The following XPR1 variants were observed in gnomAD, a reference collection of about 807,000 sequenced individuals.
The protein encoded by XPR1 is xenotropic and polytropic retrovirus receptor 1.
XPR1 carries 28 observed loss-of-function variants against 87.5 expected under a neutral mutation model. That is an observed-to-expected ratio of 0.32 (90% CI 0.24 to 0.44). The LOEUF is 0.44. Among genes scored for constraint, XPR1 ranks in the 20% least tolerant of loss-of-function variants. The pLI, the probability that XPR1 is intolerant of heterozygous loss-of-function variation, is 1.00. For synonymous variants in XPR1, 300 were observed against 306.1 expected (o/e 0.98, Z 0.21); for missense variants, 559 against 862.3 (o/e 0.65, Z 4.41).
chr1:180,652,101 G>A (rs144750522), intron 1 of XPR1, among the ~76,000 whole-genome samples: 1,793 of 152,226 alleles, frequency 0.012, 13 homozygotes, highest in Middle Eastern at 0.024. Context: ...AGACCAGCCT[G>A]GTCAACATGG....
At chr1:180,766,177 T>C (rs1048393548) in intron 2 of XPR1, among the ~76,000 whole-genome samples, 1 of 152,182 alleles carries the variant, frequency 6.6e-6, no homozygotes, top group African/African-American at 2.4e-5. Flanking sequence ...TTGTTGGTAA[T>C]ATAGACATAC....
At chr1:180,650,601 A>G (rs1373254880) in intron 1 of XPR1, among the ~76,000 whole-genome samples, 1 of 152,226 alleles carries the variant, frequency 6.6e-6, no homozygotes, top group African/African-American at 2.4e-5. Flanking sequence ...CCTATCCTTA[A>G]CCTTCACTTT....
At chr1:180,810,757 C>T (rs777762267) in intron 6 of XPR1, among the ~76,000 whole-genome samples, 1 of 151,534 alleles carries the variant, frequency 6.6e-6, no homozygotes, top group Non-Finnish European at 1.5e-5. Flanking sequence ...TTAACTCTCT[C>T]CTATTTACAA....
intron 3 of XPR1, among the ~76,000 whole-genome samples, chr1:180,797,072 A>G (rs1301210671): frequency 6.6e-6 from 1 of 152,194 alleles, no homozygotes; most frequent in Admixed American, 6.6e-5. Context: ...GAAATGTTCT[A>G]AAATTGGATT....
chr1:180,770,218 T>C (rs911473876), intron 2 of XPR1, among the ~76,000 whole-genome samples: 2 of 152,188 alleles, frequency 1.3e-5, no homozygotes, highest in African/African-American at 4.8e-5. Flanking sequence ...GATGATGTTT[T>C]AGTTTGGGCT....
Position 180,742,848 on chromosome 1 carries a change from A to AT in XPR1, c.122-44897dup, listed in dbSNP as rs765790188. On this transcript the variant is annotated intron_variant, in intron 2 of 14. Transcript: ENST00000367590. The stretch of plus-strand genomic sequence containing the variant: ...GTGCATCCACACTTTCAAAGTAATG[A>AT]TTTTTTTTGATGAATTGACTCTTTT... 9.2e-5 allele frequency among the ~76,000 whole-genome samples: 14 copies of AT among 151,960 alleles called. No homozygotes were observed. The East Asian group carries it at 2.3e-3, about 25-fold the overall frequency.
chr1:180,833,833 T>C (rs1186585379), intron 9 of XPR1, among the ~76,000 whole-genome samples: 1 of 152,228 alleles, frequency 6.6e-6, no homozygotes, highest in Non-Finnish European at 1.5e-5. Context: ...TTTAGATGAA[T>C]TATAAACATT....
At chr1:180,736,263 A>T (rs1267939396) in intron 2 of XPR1, among the ~76,000 whole-genome samples, 4 of 152,200 alleles carry the variant, frequency 2.6e-5, no homozygotes, top group African/African-American at 9.7e-5. Flanking sequence ...CGTTGAGAAC[A>T]TGGTATATTC....
At chr1:180,843,336 C>G (rs555312580) in intron 11 of XPR1, among the ~76,000 whole-genome samples, 4 of 151,654 alleles carry the variant, frequency 2.6e-5, no homozygotes, top group African/African-American at 9.7e-5. Context: ...GATAAATGCT[C>G]TCATTCTTGG....
intron 1 of XPR1, among the ~76,000 whole-genome samples, chr1:180,638,619 A>T (rs950536534): frequency 6.6e-6 from 1 of 152,198 alleles, no homozygotes; most frequent in Non-Finnish European, 1.5e-5. Flanking sequence ...ATTTGTCATT[A>T]AATGCTAGCT....
Position 180,684,419 on chromosome 1 carries a change from C to T in XPR1, c.121+2008C>T, listed in dbSNP as rs550613068. Among the ~76,000 whole-genome samples the T allele has an allele frequency of 2.3e-3, 356 of 152,232 alleles. 2 individuals are homozygous for T. Among genetic ancestry groups the T allele is most frequent in the Non-Finnish European group, 4.1e-3 (276 of 68,024 alleles). ...TGTAGTATAGTTTGAAGTCAGGTAG[C>T]GTGATGCCTCCGGCTTTCTTCTTTT... is the stretch of plus-strand genomic sequence containing the variant. On this transcript the variant is annotated intron_variant, in intron 2 of 14. Coordinates refer to ENST00000367590, the MANE Select transcript of XPR1 (RefSeq NM_004736.4).
intron 6 of XPR1, among the ~76,000 whole-genome samples, chr1:180,810,156 T>C (rs1246670008): frequency 2.0e-5 from 3 of 152,138 alleles, no homozygotes; most frequent in East Asian, 1.9e-4. Context: ...AAAGCAGAAG[T>C]TTCAAAAATC....
chr1:180,877,105 C>G (rs1356357900), intron 13 of XPR1, among the ~76,000 whole-genome samples: 1 of 152,114 alleles, frequency 6.6e-6, no homozygotes, highest in Non-Finnish European at 1.5e-5. Flanking sequence ...TTTTGAATAG[C>G]ATCAGAATAT....
intron 2 of XPR1, among the ~76,000 whole-genome samples, chr1:180,720,967 A>G (rs754492483): frequency 1.2e-4 from 18 of 152,002 alleles, no homozygotes; most frequent in Non-Finnish European, 2.9e-5. Flanking sequence ...AGGCGTGGTG[A>G]CTCATGCCTG....
intron 7 of XPR1, among the ~76,000 whole-genome samples, chr1:180,813,789 A>C (rs1650309228): frequency 6.6e-6 from 1 of 152,224 alleles, no homozygotes; most frequent in Non-Finnish European, 1.5e-5. Context: ...TCATTAATAA[A>C]GGGCTAAATT....
At chr1:180,702,325 T>G (rs1212438822) in intron 2 of XPR1, among the ~76,000 whole-genome samples, 1 of 136,946 alleles carries the variant, frequency 7.3e-6, no homozygotes, top group Non-Finnish European at 1.5e-5. Flanking sequence ...TTTCTGTTCT[T>G]TTACATTTGC....
intron 2 of XPR1, among the ~76,000 whole-genome samples, chr1:180,785,011 TTGTG>T (rs1186269708): frequency 0.051 from 6,967 of 136,356 alleles, 555 homozygotes; most frequent in African/African-American, 0.17. Flanking sequence ...GTGTGTGTGT[TTGTG>T]TGTGTGTGTG....
chr1:180,728,611 G>A (rs763329656), intron 2 of XPR1, among the ~76,000 whole-genome samples: 4 of 152,144 alleles, frequency 2.6e-5, no homozygotes, highest in Non-Finnish European at 2.9e-5. Context: ...GGCATCACTC[G>A]ATAAGTCATA....
intron 2 of XPR1, among the ~76,000 whole-genome samples, chr1:180,731,736 G>A (rs931288656): frequency 6.6e-6 from 1 of 152,178 alleles, no homozygotes; most frequent in African/African-American, 2.4e-5. Flanking sequence ...CAATGAGATA[G>A]TTTACATTTT....
Sources: allele counts gnomAD v4.1 joint callset (sites outside exome capture counted in the v4.1 genomes callset), GRCh38; gene constraint gnomAD v4.1.1; transcripts MANE v1.5; gene names NCBI Gene and HGNC (gene_info 2026-07-23, HGNC 2026-07-21).